OXR1: variants seen among roughly 807,000 people sequenced by gnomAD.
The protein encoded by OXR1 is oxidation resistance 1, also known as oxidation resistance protein 1.
OXR1 carries 41 observed loss-of-function variants against 104.6 expected under a neutral mutation model. The observed-to-expected ratio is 0.39, with a 90% confidence interval of 0.31 to 0.51. OXR1 has a LOEUF of 0.51. Among genes scored for constraint, OXR1 ranks in the 20% least tolerant of loss-of-function variants. OXR1 has a pLI of 0.77. For synonymous variants in OXR1, 348 were observed against 348.4 expected (o/e 1.00, Z 0.01); for missense variants, 955 against 1,031.9 (o/e 0.93, Z 1.02).
At chr8:106,662,643 G>T (rs1046540258) in intron 3 of OXR1, among the ~76,000 whole-genome samples, 1 of 152,154 alleles carries the variant, frequency 6.6e-6, no homozygotes, top group Non-Finnish European at 1.5e-5. Context: ...ACTGGTGAGG[G>T]TACTGAGGTT....
chr8:106,414,609 C>T (rs1203899473), intron 2 of OXR1, among the ~76,000 whole-genome samples: 1 of 151,960 alleles, frequency 6.6e-6, no homozygotes, highest in East Asian at 1.9e-4. Flanking sequence ...AAGCATTGCT[C>T]ATGTAGACGG....
At chr8:106,451,160 A>C (rs115142512) in intron 2 of OXR1, among the ~76,000 whole-genome samples, 1,555 of 152,220 alleles carry the variant, frequency 0.01, 29 homozygotes, top group African/African-American at 0.034. Context: ...TATGCTCTTG[A>C]GGTGAGGACA....
At chr8:106,301,723 A>G (rs539582762) in intron 1 of OXR1, among the ~76,000 whole-genome samples, 1 of 152,332 alleles carries the variant, frequency 6.6e-6, no homozygotes, top group South Asian at 2.1e-4. Context: ...TTATCAGTTA[A>G]AAAGGTAAGT....
chr8:106,379,213 C>T (rs1206886328), intron 2 of OXR1, among the ~76,000 whole-genome samples: 1 of 152,068 alleles, frequency 6.6e-6, no homozygotes. Context: ...TCTCTCAAGC[C>T]CTCCAGGTAA....
intron 3 of OXR1, among the ~76,000 whole-genome samples, chr8:106,541,181 T>C (rs746358650): frequency 6.6e-6 from 1 of 152,210 alleles, no homozygotes; most frequent in Non-Finnish European, 1.5e-5. Flanking sequence ...GTTAAATATT[T>C]AACAAATAAT....
At chr8:106,733,847 G>GAAAAAA (rs1292872688) in intron 11 of OXR1, among the ~76,000 whole-genome samples, 1 of 139,888 alleles carries the variant, frequency 7.1e-6, no homozygotes, top group Admixed American at 7.2e-5. Flanking sequence ...AAAAAGAAAA[G>GAAAAAA]AAAAAAAAAA....
chr8:106,570,423 C>T (rs1020374319), intron 3 of OXR1, among the ~76,000 whole-genome samples: 1 of 151,938 alleles, frequency 6.6e-6, no homozygotes, highest in Non-Finnish European at 1.5e-5. Flanking sequence ...CCAACATGAA[C>T]GATTAGGAAG....
intron 11 of OXR1, among the ~76,000 whole-genome samples, chr8:106,737,136 A>C (rs370220227): frequency 6.6e-6 from 1 of 152,172 alleles, no homozygotes; most frequent in Non-Finnish European, 1.5e-5. Flanking sequence ...TGGAGGGGGT[A>C]GTTGAAACTA....
chr8:106,536,591 T>A (rs1460809285), intron 3 of OXR1, among the ~76,000 whole-genome samples: 1 of 152,222 alleles, frequency 6.6e-6, no homozygotes, highest in African/African-American at 2.4e-5. Flanking sequence ...AGCATTTACA[T>A]AGCAATCTCG....
intron 3 of OXR1, among the ~76,000 whole-genome samples, chr8:106,612,871 T>C (rs1279009969): frequency 3.3e-5 from 5 of 151,986 alleles, no homozygotes; most frequent in Non-Finnish European, 7.4e-5. Context: ...GAGAGGCAGG[T>C]GGGTTAAGTA....
At chr8:106,287,782 CT>C (rs1812561984) in intron 1 of OXR1, among the ~76,000 whole-genome samples, 1 of 152,108 alleles carries the variant, frequency 6.6e-6, no homozygotes. Context: ...ACCTTTGTAT[CT>C]ATAAGAAATT....
At chr8:106,700,043 A>G (rs903597933) in intron 7 of OXR1, among the ~76,000 whole-genome samples, 1 of 151,816 alleles carries the variant, frequency 6.6e-6, no homozygotes, top group African/African-American at 2.4e-5. Flanking sequence ...GATAGACTTT[A>G]TTTTTTTTAC....
chr8:106,272,770 T>G (rs989159441), intron 1 of OXR1: 6 of 152,216 alleles, frequency 3.9e-5, no homozygotes, highest in African/African-American at 1.4e-4. Context: ...AGACTTCTGC[T>G]GTCATTATTG....
At chr8:106,473,080 A>G (rs939232968) in intron 2 of OXR1, among the ~76,000 whole-genome samples, 2 of 151,860 alleles carry the variant, frequency 1.3e-5, no homozygotes, top group African/African-American at 4.8e-5. Context: ...ACTAGGAAGG[A>G]TATAAAAATT....
At chr8:106,733,406 A>G (rs1319655996) in intron 11 of OXR1, among the ~76,000 whole-genome samples, 1 of 152,144 alleles carries the variant, frequency 6.6e-6, no homozygotes, top group Non-Finnish European at 1.5e-5. Context: ...TGACCTTCTG[A>G]AAGATTACAA....
rs544792150 is a variant in OXR1, at chr8:106,331,715, G to A, written c.-138-27761G>A. Among the ~76,000 whole-genome samples, 81 of 152,122 alleles carry A rather than the reference G, an allele frequency of 5.3e-4. 1 individual carries two copies. The highest frequency in any genetic ancestry group is 4.3e-4 in the Non-Finnish European group (29 of 67,994). ...AGCCCTTTGGGAGGCCAACGTGGGCGGATCATATCAGGCCAGGAGTTCTGT... is the reference window on the plus strand; with the variant it reads ...AGCCCTTTGGGAGGCCAACGTGGGCAGATCATATCAGGCCAGGAGTTCTGT... On this transcript the variant is annotated intron_variant, in intron 1 of 16. Coordinates refer to ENST00000517566, the MANE Select transcript of OXR1 (RefSeq NM_001198533.2).
At chr8:106,531,088 G>A (rs1380299804) in intron 3 of OXR1, among the ~76,000 whole-genome samples, 1 of 152,136 alleles carries the variant, frequency 6.6e-6, no homozygotes, top group African/African-American at 2.4e-5. Context: ...TATCTTTTGA[G>A]GGAGAAAGCC....
chr8:106,334,787 T>G (rs1306673435), intron 1 of OXR1, among the ~76,000 whole-genome samples: 1 of 152,184 alleles, frequency 6.6e-6, no homozygotes, highest in Non-Finnish European at 1.5e-5. Context: ...AACTATTTCC[T>G]GATATTCCAT....
intron 2 of OXR1, among the ~76,000 whole-genome samples, chr8:106,442,310 A>T (rs1819819481): frequency 6.6e-6 from 1 of 152,150 alleles, no homozygotes; most frequent in African/African-American, 2.4e-5. Flanking sequence ...TGCTGGATTC[A>T]GTTTGCCAGT....
Sources: gnomAD v4.1 joint callset for allele counts (sites outside exome capture counted in the v4.1 genomes callset) on GRCh38, gnomAD v4.1.1 for gene constraint, MANE v1.5 for transcripts, NCBI Gene and HGNC (gene_info 2026-07-23, HGNC 2026-07-21) for gene names.